Variants in SULF1 observed in about 807,000 individuals in gnomAD.
SULF1 encodes the protein extracellular sulfatase Sulf-1.
SULF1 carries 46 observed loss-of-function variants against 110.5 expected under a neutral mutation model. The observed-to-expected ratio is 0.42, with a 90% CI of 0.33 to 0.53. The LOEUF (loss-of-function observed/expected upper bound fraction) is 0.53, where lower values mean the gene tolerates loss of function less well. SULF1 is among the 20% of genes least tolerant of loss of function. The pLI, the probability that SULF1 is intolerant of heterozygous loss-of-function variation, is 0.12. For missense variants in SULF1, 941 were observed against 1,094.2 expected, an observed-to-expected ratio of 0.86 and a Z score of 1.98; for synonymous variants, 371 against 387.1, an observed-to-expected ratio of 0.96 and a Z score of 0.49.
upstream of SULF1, among the ~76,000 whole-genome samples, chr8:69,488,228 A>G (rs1027347085): frequency 1.3e-5 from 2 of 152,252 alleles, no homozygotes; most frequent in African/African-American, 4.8e-5. Context: ...GCAAAAAAAA[A>G]GATCCGTCTA....
At chr8:69,504,953 A>T (rs866164214) in intron 3 of SULF1, among the ~76,000 whole-genome samples, 3 of 152,192 alleles carry the variant, frequency 2.0e-5, no homozygotes, top group Non-Finnish European at 4.4e-5. Context: ...TGCCCTGTGC[A>T]TTTTTGATTG....
At chr8:69,591,684 T>C (rs17720093) in intron 8 of SULF1, among the ~76,000 whole-genome samples, 18,502 of 152,160 alleles carry the variant, frequency 0.12, 1,340 homozygotes, top group Middle Eastern at 0.22. Flanking sequence ...AGCAGGGATA[T>C]AGATAAGCGT....
chr8:69,627,921 G>A, intron 17 of SULF1, 55 bp downstream of exon 17: 1 of 1,368,264 alleles, frequency 7.3e-7, no homozygotes, highest in South Asian at 1.2e-5. Context: ...GCACAAGCCA[G>A]AGGCATTAGC....
At chr8:69,560,465 A>G (rs546924663) in intron 3 of SULF1, among the ~76,000 whole-genome samples, 1 of 152,270 alleles carries the variant, frequency 6.6e-6, no homozygotes, top group South Asian at 2.1e-4. Context: ...CATAACTACA[A>G]CTGCTGTTTT....
At chr8:69,470,227 T>G (rs1035067191) in intron 1 of SULF1, among the ~76,000 whole-genome samples, 4 of 152,152 alleles carry the variant, frequency 2.6e-5, no homozygotes. Context: ...ATTAAAATTT[T>G]TAAAACCAGA....
In SULF1 at chr8:69,627,099, G is replaced by C. The variant is rs1586584294; in HGVS notation, c.1851-111G>C. 3.9e-6 allele frequency: 3 copies of C among 768,400 alleles called. No individual in the cohort carries two copies. In the East Asian group the frequency reaches 8.2e-5, roughly 21 times the overall value. 47.6% of individuals were successfully genotyped at this position (768,400 alleles called of 1,614,324 possible). ...GTCTTGGATCAGCTCAACGGTTACTGCATGTATCAACATTAAGGATTTTGA... is the reference window on the plus strand; with the variant it reads ...GTCTTGGATCAGCTCAACGGTTACTCCATGTATCAACATTAAGGATTTTGA... On this transcript the variant is annotated intron_variant, in intron 15 of 22. Transcript: ENST00000402687.
At chr8:69,569,656 C>A (rs954793101) in intron 5 of SULF1, among the ~76,000 whole-genome samples, 68 of 152,288 alleles carry the variant, frequency 4.5e-4, no homozygotes, top group African/African-American at 1.6e-3. Flanking sequence ...TTTTCTTATA[C>A]CTGGCTGCCT....
intron 1 of SULF1, among the ~76,000 whole-genome samples, chr8:69,471,750 A>G (rs576204439): frequency 6.6e-6 from 1 of 152,332 alleles, no homozygotes; most frequent in South Asian, 2.1e-4. Context: ...TTATCTTGGG[A>G]ACATTTTAAA....
intron 8 of SULF1, among the ~76,000 whole-genome samples, chr8:69,600,158 G>A (rs1807675997): frequency 6.6e-6 from 1 of 151,984 alleles, no homozygotes; most frequent in African/African-American, 2.4e-5. Context: ...GTGTTGAAAT[G>A]ATGATTCATC....
intron 22 of SULF1, among the ~76,000 whole-genome samples, chr8:69,649,632 T>G (rs1013703683): frequency 1.2e-4 from 18 of 152,098 alleles, no homozygotes; most frequent in African/African-American, 3.9e-4. Context: ...TTTTAAAGAG[T>G]GCATGCCAGT....
chr8:69,497,647 G>A (rs1316931236), intron 2 of SULF1, among the ~76,000 whole-genome samples: 1 of 152,228 alleles, frequency 6.6e-6, no homozygotes, highest in Non-Finnish European at 1.5e-5. Flanking sequence ...GATGAATGGT[G>A]CTAGTGTTTT....
chr8:69,491,984 G>A (rs1666079291), upstream of SULF1, among the ~76,000 whole-genome samples: 1 of 150,032 alleles, frequency 6.7e-6, no homozygotes, highest in Admixed American at 6.6e-5. Flanking sequence ...GTAAAGATGG[G>A]AAATGGAGAA....
intron 14 of SULF1, among the ~76,000 whole-genome samples, chr8:69,621,932 T>G (rs1809641626): frequency 6.6e-6 from 1 of 152,172 alleles, no homozygotes; most frequent in Non-Finnish European, 1.5e-5. Flanking sequence ...ATGACTCAAT[T>G]TTATGGTGAT....
chr8:69,596,111 C>T (rs1486190330), intron 8 of SULF1, among the ~76,000 whole-genome samples: 1 of 152,128 alleles, frequency 6.6e-6, no homozygotes, highest in Non-Finnish European at 1.5e-5. Flanking sequence ...TCCAAATGAG[C>T]AGTGACCACA....
chr8:69,561,995 AG>A (rs1172594878), intron 3 of SULF1, among the ~76,000 whole-genome samples: 1 of 152,262 alleles, frequency 6.6e-6, no homozygotes, highest in Admixed American at 6.5e-5. Flanking sequence ...GTTATTAAGA[AG>A]AAAGCACCAA....
intron 22 of SULF1, 61 bp downstream of exon 22, chr8:69,640,902 G>A: frequency 1.3e-6 from 2 of 1,529,086 alleles, no homozygotes; most frequent in South Asian, 1.2e-5. Flanking sequence ...TGATCCAGTG[G>A]TTTCAACTAA....
At chr8:69,551,569 T>C (rs904455236) in intron 3 of SULF1, among the ~76,000 whole-genome samples, 3 of 152,204 alleles carry the variant, frequency 2.0e-5, no homozygotes, top group Non-Finnish European at 2.9e-5. Context: ...AACAGTCCTG[T>C]CAGCTACAAA....
At chr8:69,656,810 T>C (rs1434410293) in intron 22 of SULF1, among the ~76,000 whole-genome samples, 1 of 152,238 alleles carries the variant, frequency 6.6e-6, no homozygotes, top group Non-Finnish European at 1.5e-5. Context: ...TATAATAGAA[T>C]GATTTATATT....
intron 5 of SULF1, among the ~76,000 whole-genome samples, chr8:69,564,877 C>G (rs1408771158): frequency 6.6e-6 from 1 of 152,206 alleles, no homozygotes; most frequent in African/African-American, 2.4e-5. Context: ...AGAAAGCTTG[C>G]CCCTAGAAGT....
Sources: allele counts gnomAD v4.1 joint callset (sites outside exome capture counted in the v4.1 genomes callset), GRCh38; gene constraint gnomAD v4.1.1; transcripts MANE v1.5; gene names NCBI Gene and HGNC (gene_info 2026-07-23, HGNC 2026-07-21).